The following C12orf42 variants were observed in gnomAD, a reference collection of about 807,000 sequenced individuals.
C12orf42 encodes the protein chromosome 12 open reading frame 42, also known as uncharacterized protein C12orf42.
A neutral mutation model predicts 21.6 loss-of-function variants in C12orf42; 25 were observed. That is an observed-to-expected ratio of 1.16 (90% confidence interval 0.84 to 1.62). The LOEUF is 1.62. Ranked by LOEUF, C12orf42 falls within the 40% of genes most tolerant of loss-of-function variation. The probability of loss-of-function intolerance (pLI) is 0.00; values close to 1 mark genes in which losing one functional copy is unlikely to be tolerated. For synonymous variants in C12orf42, 174 were observed against 175.0 expected (o/e 0.99, Z 0.05); for missense variants, 483 against 459.3 (o/e 1.05, Z -0.47).
the C12orf42 span, among the ~76,000 whole-genome samples, chr12:103,050,188 T>A: frequency 6.6e-6 from 1 of 151,794 alleles, no homozygotes; most frequent in East Asian, 1.9e-4. Context: ...ACACAGCAGG[T>A]GTTTAATAAA....
At chr12:103,414,318 T>C (rs1390580578) in intron 2 of C12orf42, among the ~76,000 whole-genome samples, 1 of 149,058 alleles carries the variant, frequency 6.7e-6, no homozygotes, top group Admixed American at 6.7e-5. Context: ...CTTAGCCCAC[T>C]TTTTTATGGG....
the C12orf42 span, among the ~76,000 whole-genome samples, chr12:103,230,588 C>A: frequency 6.6e-6 from 1 of 152,224 alleles, no homozygotes; most frequent in Non-Finnish European, 1.5e-5. Context: ...ACAGAGTCAT[C>A]TTCAAAGATG....
downstream of C12orf42, chr12:103,268,484 T>C (rs1277155758): frequency 1.5e-5 from 2 of 132,008 alleles, no homozygotes; most frequent in African/African-American, 6.9e-5. Context: ...CAGAAATGAA[T>C]TAATAATTTT....
In C12orf42 at chr12:103,401,616, G is replaced by C; in HGVS notation, c.138C>G (p.Pro46=). ...SSATLWDRST[P]SAKHIPCYER... is the part of the protein sequence containing the mutation. ...CATTCCGCTGACTCACCTTTGCACT[G>C]GGTGTGCTTCTATCCCACAGGGTGG... Residue 46 remains proline, a synonymous_variant, in exon 3 of 6, where the codon CCC becomes CCG. Coordinates refer to ENST00000548883, the MANE Select transcript of C12orf42 (RefSeq NM_198521.5). 1.9e-6 allele frequency: 3 copies of C among 1,613,842 alleles called. No individual in the cohort carries two copies. Among genetic ancestry groups the C allele is most frequent in the Non-Finnish European group, 2.5e-6 (3 of 1,179,744 alleles).
In C12orf42 at chr12:103,426,575, A is replaced by T. The variant is rs528175717; in HGVS notation, c.79-24900T>A. The stretch of plus-strand genomic sequence containing the variant: ...CCAGAAGAACTTCCCCAACCTAGCA[A>T]GACAGGCCAACATTCAAATTCAGGA... On this transcript the variant is annotated intron_variant, in intron 2 of 5. Coordinates refer to ENST00000548883, the MANE Select transcript of C12orf42 (RefSeq NM_198521.5). 2.7e-3 allele frequency among the ~76,000 whole-genome samples: 405 copies of T among 152,336 alleles called. 3 individuals carry two copies. Among genetic ancestry groups the T allele is most frequent in the African/African-American group, 9.3e-3 (388 of 41,578 alleles).
At chr12:103,463,872 G>T (rs1952910960) in intron 2 of C12orf42, among the ~76,000 whole-genome samples, 1 of 152,146 alleles carries the variant, frequency 6.6e-6, no homozygotes, top group South Asian at 2.1e-4. Context: ...ATGGCTTCCA[G>T]CTCTATCTGT....
chr12:103,332,385 T>C (rs2041314114), intron 4 of C12orf42, among the ~76,000 whole-genome samples: 1 of 152,198 alleles, frequency 6.6e-6, no homozygotes, highest in Non-Finnish European at 1.5e-5. Context: ...GCCAATTTCT[T>C]AGACAGTGAA....
intron 4 of C12orf42, among the ~76,000 whole-genome samples, chr12:103,314,421 A>G (rs1299780532): frequency 1.3e-5 from 2 of 152,210 alleles, no homozygotes; most frequent in African/African-American, 2.4e-5. Flanking sequence ...GTTTACCTAG[A>G]GCAGAAGCCT....
At chr12:103,154,884 G>C in the C12orf42 span, among the ~76,000 whole-genome samples, 3 of 152,262 alleles carry the variant, frequency 2.0e-5, no homozygotes, top group South Asian at 4.1e-4. Context: ...ATTTGCAACT[G>C]TCTACTGGCT....
At chr12:103,522,888 G>A in the C12orf42 span, among the ~76,000 whole-genome samples, 1 of 152,216 alleles carries the variant, frequency 6.6e-6, no homozygotes, top group Non-Finnish European at 1.5e-5. Flanking sequence ...AACTTCCACA[G>A]TCAGAGGCTA....
chr12:103,257,210 G>A (rs1026035261), intron 10 of C12orf42, among the ~76,000 whole-genome samples: 2 of 152,142 alleles, frequency 1.3e-5, no homozygotes, highest in African/African-American at 2.4e-5. Context: ...AAAGGGCGGA[G>A]GTGGGAGGAG....
At chr12:103,351,045 C>T (rs530426186) in intron 4 of C12orf42, among the ~76,000 whole-genome samples, 58 of 152,152 alleles carry the variant, frequency 3.8e-4, no homozygotes, top group Admixed American at 7.2e-4. Context: ...TCTGTAATTG[C>T]GTTGTTTGTA....
At chr12:103,130,307 C>A in the C12orf42 span, among the ~76,000 whole-genome samples, 2 of 150,610 alleles carry the variant, frequency 1.3e-5, no homozygotes, top group African/African-American at 4.9e-5. Context: ...AGATACTAAG[C>A]CAAGTTGGTC....
intron 2 of C12orf42, among the ~76,000 whole-genome samples, chr12:103,451,315 C>A (rs2137488379): frequency 6.6e-6 from 1 of 152,148 alleles, no homozygotes; most frequent in Non-Finnish European, 1.5e-5. Flanking sequence ...CAGCCTCAAC[C>A]TCCTAGCCTC....
At chr12:103,095,655 T>C in the C12orf42 span, among the ~76,000 whole-genome samples, 1 of 152,240 alleles carries the variant, frequency 6.6e-6, no homozygotes, top group Non-Finnish European at 1.5e-5. Context: ...TTTTTCTGTC[T>C]TTCCCTGCTA....
chr12:103,426,318 C>T (rs1949805863), intron 2 of C12orf42, among the ~76,000 whole-genome samples: 1 of 152,064 alleles, frequency 6.6e-6, no homozygotes, highest in Non-Finnish European at 1.5e-5. Context: ...GAAGCATACA[C>T]AAGTATCAAA....
chr12:103,435,794 T>C lies in C12orf42; in HGVS notation c.79-34119A>G, dbSNP rs562803556. ...GTCTGATTGGTGTACCCGAAAGTGA[T>C]GGGGAGAATGGAACCAAGTTGGAAA... On this transcript the variant is annotated intron_variant, in intron 2 of 5. Transcript: ENST00000548883. 1.2e-3 allele frequency among the ~76,000 whole-genome samples: 185 copies of C among 151,668 alleles called. 1 individual carries two copies. Among genetic ancestry groups the C allele is most frequent in the South Asian group, 2.5e-3 (12 of 4,790 alleles).
chr12:103,303,798 C>T (rs1322119551), intron 5 of C12orf42, among the ~76,000 whole-genome samples: 1 of 152,170 alleles, frequency 6.6e-6, no homozygotes, highest in Non-Finnish European at 1.5e-5. Flanking sequence ...GGCAGAATGG[C>T]ATTTTAATAT....
chr12:103,454,132 C>T (rs1394252452), intron 2 of C12orf42, among the ~76,000 whole-genome samples: 5 of 152,084 alleles, frequency 3.3e-5, no homozygotes, highest in African/African-American at 1.2e-4. Context: ...CTCTGGTCCT[C>T]TATAATTTAT....
Sources: gnomAD v4.1 joint callset for allele counts (sites outside exome capture counted in the v4.1 genomes callset) on GRCh38, gnomAD v4.1.1 for gene constraint, MANE v1.5 for transcripts, NCBI Gene and HGNC (gene_info 2026-07-23, HGNC 2026-07-21) for gene names.